Variants in GDPD1 observed in about 807,000 individuals in gnomAD.
The protein encoded by GDPD1 is lysophospholipase D GDPD1.
Under a neutral mutation model 45.1 loss-of-function variants are expected in GDPD1, and 28 were observed. The ratio of observed to expected loss-of-function variants is 0.62; its 90% confidence interval spans 0.46 to 0.85. GDPD1 has a LOEUF of 0.85. GDPD1 is among the 40% of genes least tolerant of loss of function. The pLI is 0.00. For synonymous variants in GDPD1, 139 were observed against 131.4 expected (o/e 1.06, Z -0.40); for missense variants, 256 against 364.8 (o/e 0.70, Z 2.43).
intron 6 of GDPD1, among the ~76,000 whole-genome samples, chr17:59,260,378 C>T (rs926035178): frequency 6.6e-6 from 1 of 151,788 alleles, no homozygotes; most frequent in Non-Finnish European, 1.5e-5. Context: ...CCCATCTCTA[C>T]TAAAAATACA....
intron 7 of GDPD1, among the ~76,000 whole-genome samples, 168 bp from the exon 8 acceptor site, chr17:59,270,768 G>A (rs2047438423): frequency 6.6e-6 from 1 of 152,044 alleles, no homozygotes. Context: ...TGAGACCAGT[G>A]CAAACAGAAC....
intron 2 of GDPD1, among the ~76,000 whole-genome samples, chr17:59,243,078 A>C (rs2047186225): frequency 6.6e-6 from 1 of 151,864 alleles, no homozygotes; most frequent in South Asian, 2.1e-4. Flanking sequence ...AATCTCAGCT[A>C]CTCGGGAAGC....
intron 3 of GDPD1, among the ~76,000 whole-genome samples, chr17:59,247,722 C>T (rs1011267750): frequency 6.6e-6 from 1 of 152,004 alleles, no homozygotes; most frequent in African/African-American, 2.4e-5. Context: ...CTCCGCCTCC[C>T]GGGTTCAAGA....
chr17:59,275,032 G>T lies in GDPD1; in HGVS notation c.*1259G>T. 1 of 705,680 alleles carries T rather than the reference G, an allele frequency of 1.4e-6. No homozygotes were observed. Among genetic ancestry groups the T allele is most frequent in the African/African-American group, 1.8e-5 (1 of 56,352 alleles). 43.7% of individuals were successfully genotyped at this position (705,680 alleles called of 1,614,324 possible). On this transcript the variant is annotated 3_prime_UTR_variant, in exon 10 of 10. Transcript: ENST00000284116. ...AATTTTTGTATTTTTAGTAGAGACA[G>T]GGTTTTGCCACGTTGGCCAGACTGG... is the stretch of plus-strand genomic sequence containing the variant.
At chr17:59,246,239 T>C (rs1356400987) in intron 3 of GDPD1, among the ~76,000 whole-genome samples, 1 of 152,170 alleles carries the variant, frequency 6.6e-6, no homozygotes, top group African/African-American at 2.4e-5. Context: ...TTCTACCTTA[T>C]GTAGAAGGAT....
chr17:59,233,520 AAAAAAAAAAG>A (rs2047108024), intron 1 of GDPD1, among the ~76,000 whole-genome samples: 1 of 150,970 alleles, frequency 6.6e-6, no homozygotes, highest in Non-Finnish European at 1.5e-5. Flanking sequence ...TCAAAAAAAA[AAAAAAAAAAG>A]AAAGAAAAAA....
Position 59,245,404 on chromosome 17 carries a change from A to G in GDPD1, c.186-10A>G, listed in dbSNP as rs766533892. ...AAGTGTCAGATGTCATTCTTCTTTTATTTCTTCAGTGCGGTTAAAATCGGA... is the reference window on the plus strand; with the variant it reads ...AAGTGTCAGATGTCATTCTTCTTTTGTTTCTTCAGTGCGGTTAAAATCGGA... On this transcript the variant is annotated splice_polypyrimidine_tract_variant and intron_variant, in intron 2 of 9. Coordinates refer to ENST00000284116, the MANE Select transcript of GDPD1 (RefSeq NM_182569.4). 2.1e-5 allele frequency: 34 copies of G among 1,602,506 alleles called. No individual in the cohort carries two copies. Among genetic ancestry groups the G allele is most frequent in the Non-Finnish European group, 2.9e-5 (34 of 1,175,132 alleles).
At chr17:59,228,321 A>G (rs2047063619) in intron 1 of GDPD1, among the ~76,000 whole-genome samples, 1 of 152,208 alleles carries the variant, frequency 6.6e-6, no homozygotes, top group South Asian at 2.1e-4. Flanking sequence ...CTAAAACTCC[A>G]GAGTCTCACC....
intron 4 of GDPD1, 111 bp downstream of exon 4, chr17:59,248,896 G>A (rs1267340645): frequency 1.4e-6 from 1 of 716,232 alleles, no homozygotes; most frequent in African/African-American, 1.8e-5. Context: ...TGTTCCCTCA[G>A]GCCTACAAAT....
intron 4 of GDPD1, among the ~76,000 whole-genome samples, chr17:59,250,111 T>A (rs2047241690): frequency 6.6e-6 from 1 of 152,188 alleles, no homozygotes; most frequent in Admixed American, 6.5e-5. Flanking sequence ...CTAAGGGATA[T>A]TTAAACCTCA....
intron 1 of GDPD1, among the ~76,000 whole-genome samples, chr17:59,234,085 T>C (rs549976479): frequency 1.3e-5 from 2 of 152,180 alleles, no homozygotes; most frequent in African/African-American, 4.8e-5. Context: ...CATTACACTC[T>C]TTAAAACACT....
chr17:59,228,510 CTCTG>C (rs749892339), intron 1 of GDPD1, among the ~76,000 whole-genome samples: 6 of 152,134 alleles, frequency 3.9e-5, no homozygotes, highest in Non-Finnish European at 8.8e-5. Context: ...GACTGTTTAA[CTCTG>C]TCTGAGGAGA....
chr17:59,254,059 TAAAAAAAAAA>T (rs11284499), intron 4 of GDPD1, among the ~76,000 whole-genome samples: 19 of 123,342 alleles, frequency 1.5e-4, no homozygotes, highest in Middle Eastern at 4.2e-3. Context: ...CATCTCTACT[TAAAAAAAAAA>T]AAAAAAAAAG....
At chr17:59,232,931 T>C (rs2047102449) in intron 1 of GDPD1, among the ~76,000 whole-genome samples, 1 of 151,708 alleles carries the variant, frequency 6.6e-6, no homozygotes, top group Non-Finnish European at 1.5e-5. Context: ...CAAAACACAG[T>C]GAGGCTGGAT....
intron 7 of GDPD1, among the ~76,000 whole-genome samples, chr17:59,268,472 C>G (rs889474365): frequency 6.8e-6 from 1 of 147,060 alleles, no homozygotes; most frequent in Non-Finnish European, 1.5e-5. Context: ...CCAGCTACTC[C>G]GGAGGCTGAG....
At chr17:59,268,578 CAAAAAA>C (rs1176390251) in intron 7 of GDPD1, among the ~76,000 whole-genome samples, 144 of 35,352 alleles carry the variant, frequency 4.1e-3, no homozygotes, top group Admixed American at 0.037. Flanking sequence ...GACTCTGTCT[CAAAAAA>C]AAAAAAAAAA....
Position 59,237,962 on chromosome 17 carries a change from TAAAAAAAAAAAA to T in GDPD1, c.185+3441_185+3452del, listed in dbSNP as rs61080306. On this transcript the variant is annotated intron_variant, in intron 2 of 9. Coordinates refer to ENST00000284116, the MANE Select transcript of GDPD1 (RefSeq NM_182569.4). Reference sequence around the variant, plus strand: ...TGGGCAACAGAGCAAGACTCCGTCTTAAAAAAAAAAAAAAAAAAAAAAAAGGCCGGGCATGGT... The same window carrying T: ...TGGGCAACAGAGCAAGACTCCGTCTTAAAAAAAAAAAAGGCCGGGCATGGT... Among the ~76,000 whole-genome samples, 3 of 85,844 alleles carry T rather than the reference TAAAAAAAAAAAA, an allele frequency of 3.5e-5. No individual in the cohort carries two copies. The East Asian group carries it at 1.0e-3, about 29-fold the overall frequency. The allele number at this position is 85,844 out of a possible 152,430, so 56.3% of individuals were successfully genotyped here. A position where few individuals can be genotyped will look rare whatever the true frequency, so the allele number is the denominator to read the frequency against.
At chr17:59,238,873 T>G (rs1014187473) in intron 2 of GDPD1, among the ~76,000 whole-genome samples, 2 of 152,172 alleles carry the variant, frequency 1.3e-5, no homozygotes, top group Non-Finnish European at 2.9e-5. Flanking sequence ...AAAAGACTGA[T>G]GAAGGAGACA....
At chr17:59,242,909 T>A (rs2047185203) in intron 2 of GDPD1, among the ~76,000 whole-genome samples, 1 of 152,172 alleles carries the variant, frequency 6.6e-6, no homozygotes. Flanking sequence ...AGAAAGAATC[T>A]GTCCAGAGGC....
Sources: allele counts gnomAD v4.1 joint callset (sites outside exome capture counted in the v4.1 genomes callset), GRCh38; gene constraint gnomAD v4.1.1; transcripts MANE v1.5; gene names NCBI Gene and HGNC (gene_info 2026-07-23, HGNC 2026-07-21).